The following FHOD3 variants were observed in gnomAD, a reference collection of about 807,000 sequenced individuals.
FHOD3 encodes the protein formin homology 2 domain containing 3, also known as FH1/FH2 domain-containing protein 3.
A neutral mutation model predicts 173.0 loss-of-function variants in FHOD3; 90 were observed. The ratio of observed to expected loss-of-function variants is 0.52; its 90% CI spans 0.44 to 0.62. The LOEUF is 0.62. FHOD3 is among the 20% of genes least tolerant of loss of function. The pLI is 0.00. For synonymous variants in FHOD3, 828 were observed against 823.0 expected (o/e 1.01, Z -0.10); for missense variants, 1,945 against 2,034.7 (o/e 0.96, Z 0.85).
intron 6 of FHOD3, among the ~76,000 whole-genome samples, chr18:36,577,466 A>T (rs1345624578): frequency 6.6e-6 from 1 of 152,020 alleles, no homozygotes; most frequent in Admixed American, 6.6e-5. Flanking sequence ...ACCCTGGGCT[A>T]ATTTTTGTAT....
At chr18:36,772,334 A>G (rs2150401763) in intron 28 of FHOD3, among the ~76,000 whole-genome samples, 1 of 152,382 alleles carries the variant, frequency 6.6e-6, no homozygotes, top group Non-Finnish European at 1.5e-5. Flanking sequence ...ACAGAGGTTA[A>G]AGGAACAACA....
chr18:36,746,578 ATAT>A lies in FHOD3; in HGVS notation c.4042-363_4042-361del, dbSNP rs772816195. On this transcript the variant is annotated intron_variant, in intron 23 of 28. Transcript: ENST00000590592. ...GGTGCATTTCTCAACTTTAAGAGAA[ATAT>A]TATCGCTGAAGAATAAGAGTGCTCT... Among the ~76,000 whole-genome samples, 8 of 152,146 alleles carry A rather than the reference ATAT, an allele frequency of 5.3e-5. No homozygotes were observed. In the East Asian group the frequency reaches 1.4e-3, roughly 26 times the overall value.
At chr18:36,456,538 G>A (rs971534475) in intron 3 of FHOD3, among the ~76,000 whole-genome samples, 1 of 152,090 alleles carries the variant, frequency 6.6e-6, no homozygotes, top group Admixed American at 6.5e-5. Context: ...GGAATAGGGG[G>A]ATGGGGCTGT....
intron 1 of FHOD3, among the ~76,000 whole-genome samples, chr18:36,347,882 A>G (rs1369569950): frequency 2.6e-5 from 4 of 152,228 alleles, no homozygotes; most frequent in African/African-American, 9.6e-5. Context: ...GAAATGCATT[A>G]TACATACAAA....
At chr18:36,466,232 A>G (rs983334792) in intron 3 of FHOD3, among the ~76,000 whole-genome samples, 6 of 152,206 alleles carry the variant, frequency 3.9e-5, no homozygotes, top group Non-Finnish European at 5.9e-5. Flanking sequence ...GTGAATTTGC[A>G]TTCAAGTCCT....
intron 3 of FHOD3, among the ~76,000 whole-genome samples, chr18:36,384,278 G>T (rs1366059179): frequency 1.3e-5 from 2 of 152,196 alleles, no homozygotes; most frequent in Middle Eastern, 3.4e-3. Flanking sequence ...TACTTGGGAG[G>T]CTGAGGCAGG....
intron 6 of FHOD3, among the ~76,000 whole-genome samples, chr18:36,576,829 G>A (rs531167884): frequency 4.9e-4 from 75 of 152,324 alleles, no homozygotes; most frequent in African/African-American, 1.8e-3. Context: ...AGGGCCGGGC[G>A]TGGTGGCTCA....
chr18:36,735,218 T>C (rs2149981604), intron 20 of FHOD3, among the ~76,000 whole-genome samples: 1 of 152,316 alleles, frequency 6.6e-6, no homozygotes, highest in South Asian at 2.1e-4. Flanking sequence ...ACAGAAGTTT[T>C]CTTTGGCCAC....
intron 14 of FHOD3, among the ~76,000 whole-genome samples, chr18:36,673,939 T>G (rs2037691421): frequency 6.6e-6 from 1 of 152,148 alleles, no homozygotes; most frequent in Non-Finnish European, 1.5e-5. Flanking sequence ...CTTTTATTAT[T>G]CAAGTTTGGA....
intron 3 of FHOD3, among the ~76,000 whole-genome samples, chr18:36,487,865 C>G (rs570433846): frequency 5.3e-5 from 8 of 151,864 alleles, no homozygotes; most frequent in Non-Finnish European, 8.8e-5. Context: ...AGGAAAGTGT[C>G]AGGAGGCCAC....
chr18:36,683,604 A>T (rs959510452), intron 15 of FHOD3, among the ~76,000 whole-genome samples: 10 of 152,240 alleles, frequency 6.6e-5, no homozygotes, highest in Admixed American at 5.2e-4. Flanking sequence ...CTAGAAGTGT[A>T]TGTCAAATCT....
chr18:36,705,476 C>T (rs987536308), intron 17 of FHOD3, among the ~76,000 whole-genome samples: 3 of 152,214 alleles, frequency 2.0e-5, no homozygotes, highest in South Asian at 2.1e-4. Flanking sequence ...TTATCTTACA[C>T]ATCCATCACT....
chr18:36,383,896 A>C (rs1349057299), intron 3 of FHOD3, among the ~76,000 whole-genome samples: 1 of 152,110 alleles, frequency 6.6e-6, no homozygotes, highest in Non-Finnish European at 1.5e-5. Context: ...GTGCTCTGGT[A>C]CCTCCAATAA....
intron 3 of FHOD3, among the ~76,000 whole-genome samples, chr18:36,414,886 A>G (rs2146958253): frequency 6.6e-6 from 1 of 152,276 alleles, no homozygotes; most frequent in African/African-American, 2.4e-5. Flanking sequence ...GGGCTCCTGC[A>G]GGGCTGTCTG....
chr18:36,417,272 A>G (rs948919422), intron 3 of FHOD3, among the ~76,000 whole-genome samples: 26 of 152,116 alleles, frequency 1.7e-4, no homozygotes, highest in African/African-American at 5.5e-4. Flanking sequence ...CTATGTGTCC[A>G]TGTGTTCTCA....
chr18:36,429,867 G>A (rs1355841), intron 3 of FHOD3, among the ~76,000 whole-genome samples: 164 of 152,182 alleles, frequency 1.1e-3, no homozygotes, highest in African/African-American at 3.6e-3. Flanking sequence ...AAGCAGGCCT[G>A]GTGAGAGCAG....
chr18:36,345,891 A>G (rs1311282180), intron 1 of FHOD3, among the ~76,000 whole-genome samples: 1 of 152,226 alleles, frequency 6.6e-6, no homozygotes, highest in Non-Finnish European at 1.5e-5. Flanking sequence ...ACAGTTAGCA[A>G]TATCAGAAAT....
Position 36,652,770 on chromosome 18 carries a change from C to T in FHOD3, c.1487C>T (p.Ala496Val), listed in dbSNP as rs891666755. 8 of 1,535,842 alleles carry T rather than the reference C, an allele frequency of 5.2e-6. No individual in the cohort carries two copies. The highest frequency in any genetic ancestry group is 7.0e-6 in the Non-Finnish European group (8 of 1,146,732). Reference sequence around the variant, plus strand: ...CTCCTGTCACCCCCTGCCTCAGCTGCTCGGCCCTCCTCCGCCACACCAGGC... The same window carrying T: ...CTCCTGTCACCCCCTGCCTCAGCTGTTCGGCCCTCCTCCGCCACACCAGGC... Reference protein sequence around the residue: ...SALLSPPASAARPSSATPGSL... With the variant: ...SALLSPPASAVRPSSATPGSL... Residue 496 changes from alanine to valine, a missense_variant, in exon 12 of 29, where the codon GCT (alanine) becomes GTT (valine). By Grantham distance (64) the Ala-to-Val change is moderately conservative (BLOSUM62 0). Coordinates refer to ENST00000590592, the MANE Select transcript of FHOD3 (RefSeq NM_001281740.3).
intron 14 of FHOD3, among the ~76,000 whole-genome samples, chr18:36,661,236 AT>A (rs928225029): frequency 1.3e-5 from 2 of 151,960 alleles, no homozygotes; most frequent in Non-Finnish European, 2.9e-5. Flanking sequence ...TATAGTTTGA[AT>A]TTTTTCTTTG....
Sources: allele counts gnomAD v4.1 joint callset (sites outside exome capture counted in the v4.1 genomes callset), GRCh38; gene constraint gnomAD v4.1.1; transcripts MANE v1.5; gene names NCBI Gene and HGNC (gene_info 2026-07-23, HGNC 2026-07-21).